The following SPSB4 variants were observed in gnomAD, a reference collection of about 807,000 sequenced individuals.
The protein encoded by SPSB4 is splA/ryanodine receptor domain and SOCS box containing 4, also known as SPRY domain-containing SOCS box protein 4.
SPSB4 carries 21 observed loss-of-function variants against 20.9 expected under a neutral mutation model. The observed-to-expected ratio is 1.01, with a 90% CI of 0.71 to 1.45. The LOEUF (loss-of-function observed/expected upper bound fraction) is 1.45. Ranked by LOEUF, SPSB4 falls within the 40% of genes most tolerant of loss-of-function variation. SPSB4 has a pLI of 0.00. For missense variants in SPSB4, 399 were observed against 399.2 expected (o/e 1.00, Z 0.00); for synonymous variants, 207 against 183.8 (o/e 1.13, Z -1.02).
At chr3:141,088,584 A>T (rs1352133366) in intron 2 of SPSB4, among the ~76,000 whole-genome samples, 1 of 152,160 alleles carries the variant, frequency 6.6e-6, no homozygotes, top group African/African-American at 2.4e-5. Flanking sequence ...CAGCACCGGG[A>T]TGTGCAGGGG....
intron 2 of SPSB4, among the ~76,000 whole-genome samples, chr3:141,122,368 C>T (rs1423733118): frequency 2.0e-5 from 3 of 152,200 alleles, no homozygotes; most frequent in Non-Finnish European, 4.4e-5. Flanking sequence ...TCAGGCTACA[C>T]AGGGGTCAGG....
intron 2 of SPSB4, among the ~76,000 whole-genome samples, chr3:141,102,289 G>A (rs1448955107): frequency 6.6e-6 from 1 of 152,162 alleles, no homozygotes; most frequent in South Asian, 2.1e-4. Flanking sequence ...AGATAAGGCA[G>A]CGAACAGGCA....
At chr3:141,134,056 C>CTTTTTTTTTTTTTTTT (rs1222303281) in intron 2 of SPSB4, among the ~76,000 whole-genome samples, 7 of 61,626 alleles carry the variant, frequency 1.1e-4, no homozygotes, top group Non-Finnish European at 1.4e-4. Context: ...TTTCTTTTTT[C>CTTTTTTTTTTTTTTTT]TTTTTTTTTT....
intron 2 of SPSB4, among the ~76,000 whole-genome samples, chr3:141,068,751 C>G (rs190000995): frequency 1.3e-5 from 2 of 152,330 alleles, no homozygotes; most frequent in Admixed American, 1.3e-4. Flanking sequence ...GAGTTACACT[C>G]CTGTTGTAGG....
At chr3:141,135,732 C>T (rs1939216979) in intron 2 of SPSB4, among the ~76,000 whole-genome samples, 1 of 152,032 alleles carries the variant, frequency 6.6e-6, no homozygotes, top group East Asian at 1.9e-4. Context: ...TTTCTTAATC[C>T]AGTCTATCAT....
chr3:141,075,892 C>CAAAA (rs532646509), intron 2 of SPSB4, among the ~76,000 whole-genome samples: 18 of 68,840 alleles, frequency 2.6e-4, no homozygotes, highest in South Asian at 8.2e-4. Flanking sequence ...ACTAAAAATA[C>CAAAA]AAAAAAAAAA....
chr3:141,053,272 A>G (rs1159291294), intron 1 of SPSB4, among the ~76,000 whole-genome samples: 1 of 129,576 alleles, frequency 7.7e-6, no homozygotes, highest in Non-Finnish European at 1.5e-5. Context: ...TAAAATGTGT[A>G]AAAGCATGAT....
chr3:141,121,320 C>T (rs1467151864), intron 2 of SPSB4, among the ~76,000 whole-genome samples: 3 of 152,170 alleles, frequency 2.0e-5, no homozygotes, highest in Non-Finnish European at 4.4e-5. Context: ...AGTACCCTGA[C>T]CTTTCTCTCT....
intron 2 of SPSB4, among the ~76,000 whole-genome samples, chr3:141,143,522 C>T (rs138429183): frequency 0.011 from 1,725 of 152,270 alleles, 35 homozygotes; most frequent in African/African-American, 0.039. Flanking sequence ...GTGGAGGTGG[C>T]AGGGGAGTGA....
At chr3:141,070,471 C>G (rs955834321) in intron 2 of SPSB4, among the ~76,000 whole-genome samples, 2 of 151,958 alleles carry the variant, frequency 1.3e-5, no homozygotes, top group Non-Finnish European at 2.9e-5. Context: ...GCTGGGGCTA[C>G]AAGGATATGC....
intron 2 of SPSB4, among the ~76,000 whole-genome samples, chr3:141,075,892 C>CAAAAAAAAAAA (rs532646509): frequency 1.2e-4 from 8 of 68,836 alleles, no homozygotes; most frequent in Non-Finnish European, 2.6e-4. Context: ...ACTAAAAATA[C>CAAAAAAAAAAA]AAAAAAAAAA....
At chr3:141,124,590 G>A (rs1026249240) in intron 2 of SPSB4, among the ~76,000 whole-genome samples, 4 of 152,118 alleles carry the variant, frequency 2.6e-5, no homozygotes, top group Non-Finnish European at 4.4e-5. Context: ...ATGGAGTCAG[G>A]AAGATAGAAA....
chr3:141,102,168 G>A (rs1326365443), intron 2 of SPSB4, among the ~76,000 whole-genome samples: 1 of 152,196 alleles, frequency 6.6e-6, no homozygotes, highest in Non-Finnish European at 1.5e-5. Context: ...GAGGGCTCGG[G>A]GTCTGGGGCA....
At chr3:141,106,071 A>G (rs1211075597) in intron 2 of SPSB4, among the ~76,000 whole-genome samples, 5 of 152,224 alleles carry the variant, frequency 3.3e-5, no homozygotes, top group Admixed American at 2.0e-4. Context: ...CAGAGGTTCT[A>G]GTCTGTGCTC....
At chr3:141,079,961 C>G (rs546644299) in intron 2 of SPSB4, among the ~76,000 whole-genome samples, 1 of 152,296 alleles carries the variant, frequency 6.6e-6, no homozygotes, top group South Asian at 2.1e-4. Context: ...GGGTCAGCAG[C>G]AGGGAGACAC....
intron 2 of SPSB4, among the ~76,000 whole-genome samples, chr3:141,069,771 T>C (rs1416868147): frequency 6.6e-6 from 1 of 152,184 alleles, no homozygotes; most frequent in Non-Finnish European, 1.5e-5. Context: ...TTGGTGCCCC[T>C]GTGTTGATTA....
intron 1 of SPSB4, among the ~76,000 whole-genome samples, chr3:141,056,828 G>C (rs989369092): frequency 6.6e-6 from 1 of 152,222 alleles, no homozygotes; most frequent in Non-Finnish European, 1.5e-5. Flanking sequence ...TGTGGTGACC[G>C]GGCTGGCCCG....
chr3:141,076,075 AATAAG>A (rs1489699513), intron 2 of SPSB4, among the ~76,000 whole-genome samples: 57 of 140,992 alleles, frequency 4.0e-4, no homozygotes, highest in African/African-American at 1.8e-3. Flanking sequence ...GTAAAAAATA[AATAAG>A]ATAAAATAAA....
intron 2 of SPSB4, among the ~76,000 whole-genome samples, chr3:141,085,193 A>C (rs1466175880): frequency 6.6e-6 from 1 of 152,228 alleles, no homozygotes; most frequent in African/African-American, 2.4e-5. Context: ...GGGACCTGCA[A>C]GTTGGACAGC....
Sources: allele counts gnomAD v4.1 joint callset (sites outside exome capture counted in the v4.1 genomes callset), GRCh38; gene constraint gnomAD v4.1.1; transcripts MANE v1.5; gene names NCBI Gene and HGNC (gene_info 2026-07-23, HGNC 2026-07-21).